FRMPD4: variants seen among roughly 807,000 people sequenced by gnomAD.
The protein encoded by FRMPD4 is FERM and PDZ domain containing 4, also known as FERM and PDZ domain-containing protein 4.
A neutral mutation model predicts 94.1 loss-of-function variants in FRMPD4; 22 were observed. The ratio of observed to expected loss-of-function variants is 0.23; its 90% CI spans 0.17 to 0.33. FRMPD4 has a LOEUF of 0.33. FRMPD4 is among the 10% of genes least tolerant of loss of function. The pLI is 1.00. For missense variants in FRMPD4, 1,111 were observed against 1,339.9 expected, an observed-to-expected ratio of 0.83 and a Z score of 2.67; for synonymous variants, 631 against 548.6, an observed-to-expected ratio of 1.15 and a Z score of -2.10.
intron 3 of FRMPD4, among the ~76,000 whole-genome samples, chrX:11,921,600 A>G (rs766557494): frequency 6.2e-4 from 69 of 111,993 alleles, no homozygotes; most frequent in Middle Eastern, 4.2e-3. Context: ...GCGGAAGCTT[A>G]AAAGCTTTGC....
intron 2 of FRMPD4, among the ~76,000 whole-genome samples, chrX:11,872,582 C>T (rs1225632258): frequency 4.5e-5 from 5 of 112,132 alleles, no homozygotes; most frequent in Non-Finnish European, 9.4e-5. Context: ...TAAATGACAG[C>T]ACGTAGATAA....
intron 1 of FRMPD4, among the ~76,000 whole-genome samples, chrX:12,402,799 G>A (rs952460820): frequency 8.9e-6 from 1 of 111,883 alleles, no homozygotes; most frequent in African/African-American, 3.2e-5. Flanking sequence ...CTTATGCCAT[G>A]TGAGGACACA....
At chrX:12,408,797 C>T (rs1464059152) in intron 1 of FRMPD4, among the ~76,000 whole-genome samples, 4 of 112,016 alleles carry the variant, frequency 3.6e-5, no homozygotes, top group Non-Finnish European at 7.5e-5. Context: ...TCAGCAAGGA[C>T]AAGAACAAGG....
intron 3 of FRMPD4, among the ~76,000 whole-genome samples, chrX:12,113,863 A>G (rs1054481096): frequency 4.6e-4 from 51 of 111,868 alleles, no homozygotes; most frequent in Admixed American, 9.5e-5. Context: ...CACTGTATTA[A>G]ATACAATGAG....
intron 1 of FRMPD4, among the ~76,000 whole-genome samples, chrX:12,432,445 G>T (rs1410892810): frequency 1.8e-5 from 2 of 112,184 alleles, no homozygotes; most frequent in East Asian, 5.6e-4. Flanking sequence ...ACCTCACATA[G>T]GTTACAATAA....
At chrX:12,338,477 G>A (rs1486684535) in intron 1 of FRMPD4, among the ~76,000 whole-genome samples, 2 of 112,465 alleles carry the variant, frequency 1.8e-5, no homozygotes, top group African/African-American at 6.5e-5. Flanking sequence ...TGTGTTCGGT[G>A]TAATGCAAAT....
At chrX:12,537,998 T>C (rs2058359699) in intron 2 of FRMPD4, among the ~76,000 whole-genome samples, 1 of 110,790 alleles carries the variant, frequency 9.0e-6, no homozygotes, top group Admixed American at 9.7e-5. Context: ...CACTAGGGCT[T>C]GTTGGAGAGC....
chrX:12,042,185 A>G lies in FRMPD4; in HGVS notation c.95+164167A>G, dbSNP rs774425162. Among the ~76,000 whole-genome samples the G allele has an allele frequency of 7.7e-4, 83 of 107,479 alleles. 1 individual carries two copies. Among genetic ancestry groups the G allele is most frequent in the Non-Finnish European group, 3.6e-4 (19 of 52,194 alleles). 93.3% of individuals were successfully genotyped at this position (107,479 alleles called of 115,157 possible). A position where few individuals can be genotyped will look rare whatever the true frequency, so the allele number is the denominator to read the frequency against. On this transcript the variant is annotated intron_variant, in intron 3 of 18. Transcript: ENST00000640291. ...TCTTTGTCTGCTAACTCCAACATCT[A>G]CACTCATTTAAAGTCATTTTCTTTT...
At chrX:11,930,925 T>C (rs1327705465) in intron 3 of FRMPD4, among the ~76,000 whole-genome samples, 2 of 110,853 alleles carry the variant, frequency 1.8e-5, no homozygotes, top group Non-Finnish European at 3.8e-5. Context: ...TCTTGAAGTG[T>C]AGTGGGGATG....
chrX:12,692,921 G>A (rs915499147), intron 8 of FRMPD4, among the ~76,000 whole-genome samples: 1 of 111,506 alleles, frequency 9.0e-6, no homozygotes, highest in Non-Finnish European at 1.9e-5. Context: ...CTTTATTCCT[G>A]GTTTGCTTTA....
At chrX:12,631,092 C>T (rs1207834210) in intron 4 of FRMPD4, among the ~76,000 whole-genome samples, 2 of 111,304 alleles carry the variant, frequency 1.8e-5, no homozygotes, top group Non-Finnish European at 3.8e-5. Context: ...AGGTGTACAG[C>T]GCTTTTCCTC....
At chrX:12,396,808 G>A (rs2056547806) in intron 1 of FRMPD4, among the ~76,000 whole-genome samples, 1 of 111,758 alleles carries the variant, frequency 8.9e-6, no homozygotes, top group Non-Finnish European at 1.9e-5. Context: ...TGCCAACATT[G>A]CATTTTTTCT....
intron 3 of FRMPD4, among the ~76,000 whole-genome samples, chrX:12,084,633 C>A (rs887062076): frequency 2.7e-5 from 3 of 111,688 alleles, no homozygotes; most frequent in Non-Finnish European, 5.6e-5. Context: ...AGTAGGACAA[C>A]AAATAAGCAT....
At chrX:12,483,180 G>A (rs908837694) in intron 1 of FRMPD4, among the ~76,000 whole-genome samples, 1 of 112,113 alleles carries the variant, frequency 8.9e-6, no homozygotes, top group African/African-American at 3.2e-5. Flanking sequence ...ATGAACATGA[G>A]TTCAGTTTTG....
intron 1 of FRMPD4, among the ~76,000 whole-genome samples, chrX:12,224,107 AG>A (rs1263998737): frequency 2.0e-4 from 22 of 110,461 alleles, no homozygotes; most frequent in African/African-American, 7.3e-4. Context: ...AGATATTTCC[AG>A]GTGTCACCTA....
At chrX:12,338,242 G>C (rs2055556610) in intron 1 of FRMPD4, among the ~76,000 whole-genome samples, 1 of 112,376 alleles carries the variant, frequency 8.9e-6, no homozygotes, top group African/African-American at 3.2e-5. Flanking sequence ...GGCCACAGCA[G>C]TGCCCATGTG....
At chrX:12,530,358 G>A (rs2058272148) in intron 2 of FRMPD4, among the ~76,000 whole-genome samples, 1 of 111,295 alleles carries the variant, frequency 9.0e-6, no homozygotes, top group Non-Finnish European at 1.9e-5. Context: ...GGAGTCACTG[G>A]AGAAAAGGAA....
intron 1 of FRMPD4, among the ~76,000 whole-genome samples, chrX:12,422,490 A>G (rs2056896377): frequency 8.9e-6 from 1 of 112,044 alleles, no homozygotes. Flanking sequence ...TTTCAGATGA[A>G]TAAACTAGGA....
intron 1 of FRMPD4, among the ~76,000 whole-genome samples, chrX:12,403,342 C>A (rs2056629252): frequency 9.2e-6 from 1 of 108,595 alleles, no homozygotes; most frequent in Non-Finnish European, 1.9e-5. Flanking sequence ...GGTCTTTGAG[C>A]TTCTGTCCCC....
Sources: allele counts gnomAD v4.1 joint callset (sites outside exome capture counted in the v4.1 genomes callset), GRCh38; gene constraint gnomAD v4.1.1; transcripts MANE v1.5; gene names NCBI Gene and HGNC (gene_info 2026-07-23, HGNC 2026-07-21).